Variants in ATXN2L observed in about 807,000 individuals in gnomAD.
The protein encoded by ATXN2L is ataxin 2 like, also known as ataxin-2-like protein.
ATXN2L carries 24 observed loss-of-function variants against 120.7 expected under a neutral mutation model. That is an observed-to-expected ratio of 0.20 (90% CI 0.14 to 0.28). The LOEUF is 0.28. ATXN2L is among the 10% of genes least tolerant of loss of function. The pLI is 1.00. For synonymous variants in ATXN2L, 653 were observed against 568.1 expected, an observed-to-expected ratio of 1.15 and a Z score of -2.13; for missense variants, 1,312 against 1,432.3, an observed-to-expected ratio of 0.92 and a Z score of 1.36.
Position 28,823,463 on chromosome 16 carries a change from G to A in ATXN2L, c.204G>A (p.Gly68=). 8 of 1,339,602 alleles carry A rather than the reference G, an allele frequency of 6.0e-6. No homozygotes were observed. Among genetic ancestry groups the A allele is most frequent in the Non-Finnish European group, 7.6e-6 (8 of 1,050,668 alleles). The allele number at this position is 1,339,602 out of a possible 1,614,324, so 83.0% of individuals were successfully genotyped here. Reference sequence around the variant, plus strand: ...GGCCTGTGGCCGCTGCCGGGAGCGGGCTCCGCCGGGGAGCCGAAGGCATCT... The same window carrying A: ...GGCCTGTGGCCGCTGCCGGGAGCGGACTCCGCCGGGGAGCCGAAGGCATCT... ...CLGPVAAAGS[G]LRRGAEGILA... is the part of the protein sequence containing the mutation. The change falls in exon 1 of 22, where the codon GGG becomes GGA. Residue 68 remains glycine (G), a synonymous_variant. Coordinates refer to ENST00000336783, the MANE Select transcript of ATXN2L (RefSeq NM_007245.4).
At chr16:28,825,149 T>C (rs1448292532) in intron 1 of ATXN2L, among the ~76,000 whole-genome samples, 1 of 151,618 alleles carries the variant, frequency 6.6e-6, no homozygotes, top group African/African-American at 2.4e-5. Context: ...CCTTGGAGGT[T>C]GAGGCTACAG....
At chr16:28,826,780 T>TA in intron 5 of ATXN2L, 82 bp from the exon 6 acceptor site, 1 of 1,448,924 alleles carries the variant, frequency 6.9e-7, no homozygotes, top group Non-Finnish European at 9.2e-7. Context: ...CTGAACTACT[T>TA]ACGGAGAGTG....
rs766513152 is a variant in ATXN2L at position 28,835,964 on chromosome 16, C to T, written c.2927C>T (p.Pro976Leu). 18 of 1,541,958 alleles carry T rather than the reference C, an allele frequency of 1.2e-5. No individual in the cohort carries two copies. The highest frequency in any genetic ancestry group is 1.1e-5 in the Non-Finnish European group (13 of 1,144,846). ...GTCCAAACTGGAATCACAGCAGCCC[C>T]GCCCCCTCACCCTGGGGCTCCCCAC... is the stretch of plus-strand genomic sequence containing the variant. The part of the protein sequence containing the change: ...AHVQTGITAA[P>L]PPHPGAPHPP... The change falls in exon 22 of 22, where the codon CCG becomes CTG. Residue 976 changes from proline to leucine, a missense_variant. Physicochemically the swap from Pro to Leu is moderately conservative, Grantham distance 98. Transcript: ENST00000336783.
Position 28,834,172 on chromosome 16 carries a change from C to T in ATXN2L, c.2133C>T (p.Ile711=), listed in dbSNP as rs1267681591. Residue 711 remains isoleucine (I), a synonymous_variant, in exon 16 of 22, where the codon ATC becomes ATT. Coordinates refer to ENST00000336783, the MANE Select transcript of ATXN2L (RefSeq NM_007245.4). ...GQSGLYSPQY[I]SYIPQIHMGP... ...GTGGGCTATACAGCCCCCAGTACAT[C>T]TCCTACATACCTCAGATCCACATGG... 1.9e-6 allele frequency: 3 copies of T among 1,614,180 alleles called. No individual in the cohort carries two copies. The highest frequency in any genetic ancestry group is 1.7e-6 in the Non-Finnish European group (2 of 1,180,014).
chr16:28,823,153 C>G lies in ATXN2L; in HGVS notation c.-107C>G. Reference sequence around the variant, plus strand: ...GCTCCCCCCGCCCGCCCACGGCGGGCCCCGGCTGCCCGATCCCCCTCGCTT... The same window carrying G: ...GCTCCCCCCGCCCGCCCACGGCGGGGCCCGGCTGCCCGATCCCCCTCGCTT... On this transcript the variant is annotated 5_prime_UTR_variant, in exon 1 of 22. Transcript: ENST00000336783. The G allele has an allele frequency of 1.7e-6, 1 of 604,898 alleles. No individual in the cohort carries two copies. The highest frequency in any genetic ancestry group is 2.3e-6 in the Non-Finnish European group (1 of 439,706). 37.5% of individuals were successfully genotyped at this position (604,898 alleles called of 1,614,324 possible). A position where few individuals can be genotyped will look rare whatever the true frequency, so the allele number is the denominator to read the frequency against.
rs1020544032 is a variant in ATXN2L at position 28,823,087 on chromosome 16, C to G, written c.-173C>G. 11 of 366,776 alleles carry G rather than the reference C, an allele frequency of 3.0e-5. No individual in the cohort carries two copies. The highest frequency in any genetic ancestry group is 7.2e-4 in the Middle Eastern group (1 of 1,390). 22.7% of individuals were successfully genotyped at this position (366,776 alleles called of 1,614,324 possible). On this transcript the variant is annotated 5_prime_UTR_variant, in exon 1 of 22. Coordinates refer to ENST00000336783, the MANE Select transcript of ATXN2L (RefSeq NM_007245.4). Reference sequence around the variant, plus strand: ...CTCCCCTTCCGCCTCGCGGCGCTTCCTCGCGCCGCGGTCTTCTCTCTCCAC... The same window carrying G: ...CTCCCCTTCCGCCTCGCGGCGCTTCGTCGCGCCGCGGTCTTCTCTCTCCAC...
Position 28,836,351 on chromosome 16 carries a change from T to A in ATXN2L, c.*86T>A, listed in dbSNP as rs1253869658. On this transcript the variant is annotated 3_prime_UTR_variant, in exon 22 of 22. Coordinates refer to ENST00000336783, the MANE Select transcript of ATXN2L (RefSeq NM_007245.4). ...TATGTAGGGTGGGCAGAAGCCACAGTCGCCGCCGCCAGGGGCTTGCTCCTG... is the reference window on the plus strand; with the variant it reads ...TATGTAGGGTGGGCAGAAGCCACAGACGCCGCCGCCAGGGGCTTGCTCCTG... 1 of 1,613,364 alleles carries A rather than the reference T, an allele frequency of 6.2e-7. No individual in the cohort carries two copies. Among genetic ancestry groups the A allele is most frequent in the Non-Finnish European group, 8.5e-7 (1 of 1,179,822 alleles).
chr16:28,823,668 G>A, intron 1 of ATXN2L, 110 bp downstream of exon 1: 1 of 1,112,858 alleles, frequency 9.0e-7, no homozygotes, highest in Non-Finnish European at 1.1e-6. Flanking sequence ...GGCTGGGTGG[G>A]GAGTCCCCGT....
rs759827104 is a variant in ATXN2L at position 28,835,409 on chromosome 16, A to G, written c.2685+10A>G. 38 of 1,612,342 alleles carry G rather than the reference A, an allele frequency of 2.4e-5. No individual in the cohort carries two copies. Among genetic ancestry groups the G allele is most frequent in the South Asian group, 4.4e-5 (4 of 91,038 alleles). ...CCCCAGTCCTGTCCAGGTGCCTGCC[A>G]TGGGGGGTGCTGAGTGGTCCTGGTG... On this transcript the variant is annotated intron_variant, in intron 20 of 21. Transcript: ENST00000336783.
Position 28,836,095 on chromosome 16 carries a change from C to T in ATXN2L, c.3058C>T (p.Pro1020Ser), listed in dbSNP as rs374124254. The change falls in exon 22 of 22, where the codon CCC (proline) becomes TCC (serine). Residue 1020 changes from proline (P) to serine (S), a missense_variant. Transcript: ENST00000336783. ...TGCACTCTCAGCTTCCACACCCTCA[C>T]CCTACCCCTACATCGGACACCCCCA... Reference protein sequence around the residue: ...VPALSASTPSPYPYIGHPQGE... With the variant: ...VPALSASTPSSYPYIGHPQGE... 1.2e-6 allele frequency: 2 copies of T among 1,613,990 alleles called. No homozygotes were observed. Among genetic ancestry groups the T allele is most frequent in the Non-Finnish European group, 1.7e-6 (2 of 1,179,992 alleles).
Position 28,835,665 on chromosome 16 carries a change from C to G in ATXN2L, c.2802C>G (p.Ser934=). 1 of 1,614,106 alleles carries G rather than the reference C, an allele frequency of 6.2e-7. No homozygotes were observed. The highest frequency in any genetic ancestry group is 8.5e-7 in the Non-Finnish European group (1 of 1,180,000). ...TGCCACCGGGACCTTCTGCCCAGTC[C>G]CCTCAGAGCAGCTTCCCCCAGCCAG... is the stretch of plus-strand genomic sequence containing the variant. ...PSLPPGPSAQ[S]PQSSFPQPAA... is the part of the protein sequence containing the mutation. The change falls in exon 21 of 22, where the codon TCC becomes TCG. Residue 934 remains serine (S), a synonymous_variant. Coordinates refer to ENST00000336783, the MANE Select transcript of ATXN2L (RefSeq NM_007245.4).
chr16:28,836,576 G>T lies in ATXN2L; in HGVS notation c.*311G>T. On this transcript the variant is annotated 3_prime_UTR_variant, in exon 22 of 22. Transcript: ENST00000336783. ...GGGCTCTGGCTTACTGGGAAACAGC[G>T]ATTGACCTGTGCTTCTGACAGCCCC... 1.3e-6 allele frequency: 2 copies of T among 1,569,860 alleles called. No homozygotes were observed. The highest frequency in any genetic ancestry group is 1.2e-5 in the South Asian group (1 of 86,796).
Position 28,834,371 on chromosome 16 carries a change from C to G in ATXN2L, c.2201C>G (p.Ser734Cys), listed in dbSNP as rs2055722429. The part of the protein sequence containing the change: ...QAPQMYPYPV[S>C]NSVPGQQGKY... ...CCTCAGATGTATCCATATCCTGTAT[C>G]CAATTCAGTGCCTGGGCAGCAGGGC... is the stretch of plus-strand genomic sequence containing the variant. Residue 734 changes from serine to cysteine, a missense_variant, in exon 17 of 22, where the codon TCC becomes TGC. Coordinates refer to ENST00000336783, the MANE Select transcript of ATXN2L (RefSeq NM_007245.4). The G allele has an allele frequency of 3.7e-6, 6 of 1,614,078 alleles. No individual in the cohort carries two copies. The highest frequency in any genetic ancestry group is 4.2e-6 in the Non-Finnish European group (5 of 1,179,954).
chr16:28,835,945 A>G lies in ATXN2L; in HGVS notation c.2908A>G (p.Thr970Ala). ...TTGTTTTCCACAGGCCCATGTCCAA[A>G]CTGGAATCACAGCAGCCCCGCCCCC... ...MAHVTQAHVQ[T>A]GITAAPPPHP... The change falls in exon 22 of 22, where the codon ACT becomes GCT. Residue 970 changes from threonine (T) to alanine (A), a missense_variant. Transcript: ENST00000336783. The G allele has an allele frequency of 1.3e-6, 2 of 1,540,250 alleles. No homozygotes were observed.
In ATXN2L at chr16:28,829,481, T is replaced by G. The variant is rs764873577; in HGVS notation, c.822T>G (p.Leu274=). 4.4e-5 allele frequency: 70 copies of G among 1,605,232 alleles called. 1 individual carries two copies. In the Admixed American group the frequency reaches 6.0e-4, roughly 14 times the overall value. ...YGVKTTYDSS[L]SSYTVPLEKD... ...TGAAGACTACCTATGATAGCAGTCT[T>G]TCTTCTTATACGTGAGTATCTTGGT... The change falls in exon 7 of 22, where the codon CTT becomes CTG. Residue 274 remains leucine, a synonymous_variant. Transcript: ENST00000336783.
Position 28,826,268 on chromosome 16 carries a change from G to A in ATXN2L, c.494G>A (p.Arg165Gln), listed in dbSNP as rs750820208. 2.0e-5 allele frequency: 33 copies of A among 1,614,028 alleles called. No individual in the cohort carries two copies. The highest frequency in any genetic ancestry group is 2.6e-5 in the Non-Finnish European group (31 of 1,180,034). ...KFELAVDAVH[R>Q]KASEPAGGPR... ...GAACTAGCCGTGGATGCTGTGCACCGGAAAGCATCTGAGCCAGCAGGTGGC... is the reference window on the plus strand; with the variant it reads ...GAACTAGCCGTGGATGCTGTGCACCAGAAAGCATCTGAGCCAGCAGGTGGC... The change falls in exon 5 of 22, where the codon CGG becomes CAG. Residue 165 changes from arginine to glutamine, a missense_variant. Physicochemically the swap from Arg to Gln is conservative, Grantham distance 43 (BLOSUM62 1). Coordinates refer to ENST00000336783, the MANE Select transcript of ATXN2L (RefSeq NM_007245.4).
At chr16:28,828,164 T>G (rs995127158) in intron 6 of ATXN2L, among the ~76,000 whole-genome samples, 3 of 152,226 alleles carry the variant, frequency 2.0e-5, no homozygotes, top group Non-Finnish European at 4.4e-5. Flanking sequence ...GCTGGACTTT[T>G]AGAACATATA....
chr16:28,829,783 G>C (rs2053675193), intron 7 of ATXN2L, 75 bp from the exon 8 acceptor site: 10 of 1,495,338 alleles, frequency 6.7e-6, no homozygotes, highest in Non-Finnish European at 9.3e-6. Context: ...GATTGGACTT[G>C]TTGAAATGTT....
chr16:28,836,841 C>T lies in ATXN2L; in HGVS notation c.*576C>T. ...AGGGAAGAGTGATCTATGTCTCTTC[C>T]CCCAGCAGCTCGGACCACTCCCAGC... is the stretch of plus-strand genomic sequence containing the variant. On this transcript the variant is annotated 3_prime_UTR_variant, in exon 22 of 22. Transcript: ENST00000336783. 3.1e-6 allele frequency: 5 copies of T among 1,600,240 alleles called. No individual in the cohort carries two copies. The highest frequency in any genetic ancestry group is 4.3e-6 in the Non-Finnish European group (5 of 1,169,188).
Sources: allele counts gnomAD v4.1 joint callset (sites outside exome capture counted in the v4.1 genomes callset), GRCh38; gene constraint gnomAD v4.1.1; transcripts MANE v1.5; gene names NCBI Gene and HGNC (gene_info 2026-07-23, HGNC 2026-07-21).